Variants in XRCC4 observed in about 807,000 individuals in gnomAD.
XRCC4 encodes X-ray repair cross complementing 4, also known as DNA repair protein XRCC4.
Under a neutral mutation model 39.1 loss-of-function variants are expected in XRCC4, and 28 were observed. The observed-to-expected ratio is 0.72, with a 90% confidence interval of 0.53 to 0.98. The LOEUF (loss-of-function observed/expected upper bound fraction) is 0.98. Ranked by LOEUF, XRCC4 falls within the 50% of genes least tolerant of loss-of-function variation. XRCC4 has a pLI of 0.00. For missense variants in XRCC4, 350 were observed against 376.4 expected (o/e 0.93, Z 0.58); for synonymous variants, 123 against 126.4 (o/e 0.97, Z 0.18).
chr5:83,299,482 C>T (rs1198318656), intron 7 of XRCC4, among the ~76,000 whole-genome samples: 3 of 151,962 alleles, frequency 2.0e-5, no homozygotes, highest in Admixed American at 2.0e-4. Context: ...GTTAAATAGC[C>T]CTTCTGCCTC....
intron 3 of XRCC4, among the ~76,000 whole-genome samples, chr5:83,176,020 C>T (rs1471621063): frequency 2.0e-5 from 3 of 151,584 alleles, no homozygotes; most frequent in Non-Finnish European, 4.4e-5. Flanking sequence ...AGAGTGAGAC[C>T]CTGTCTATAT....
chr5:83,172,999 T>C (rs1274521215), intron 3 of XRCC4, among the ~76,000 whole-genome samples: 2 of 152,190 alleles, frequency 1.3e-5, no homozygotes, highest in Non-Finnish European at 2.9e-5. Flanking sequence ...CTGTTTGTTA[T>C]AGTCTCTGGT....
intron 6 of XRCC4, among the ~76,000 whole-genome samples, chr5:83,213,273 A>G (rs1162344316): frequency 6.6e-6 from 1 of 152,148 alleles, no homozygotes; most frequent in Non-Finnish European, 1.5e-5. Flanking sequence ...ACAACATGAA[A>G]TGATAACATG....
At chr5:83,348,426 A>G (rs1756983652) in intron 7 of XRCC4, among the ~76,000 whole-genome samples, 1 of 152,230 alleles carries the variant, frequency 6.6e-6, no homozygotes, top group Non-Finnish European at 1.5e-5. Context: ...TTAACACCAC[A>G]TGGAAGACAC....
the XRCC4 span, among the ~76,000 whole-genome samples, chr5:83,373,098 A>G: frequency 6.6e-6 from 1 of 151,924 alleles, no homozygotes; most frequent in African/African-American, 2.4e-5. Flanking sequence ...TGGTGAAAAA[A>G]GGGAGGCGGA....
intron 7 of XRCC4, among the ~76,000 whole-genome samples, chr5:83,309,559 A>C (rs528467566): frequency 6.6e-6 from 1 of 151,002 alleles, no homozygotes; most frequent in South Asian, 2.1e-4. Flanking sequence ...CAGGAGATCG[A>C]GACCATCCTG....
intron 3 of XRCC4, among the ~76,000 whole-genome samples, chr5:83,137,285 A>T (rs1408452677): frequency 6.6e-6 from 1 of 152,162 alleles, no homozygotes; most frequent in Non-Finnish European, 1.5e-5. Flanking sequence ...TTCACTGATG[A>T]TAAATATCAC....
intron 1 of XRCC4, among the ~76,000 whole-genome samples, chr5:83,094,201 C>T (rs944178053): frequency 7.2e-5 from 11 of 151,782 alleles, no homozygotes; most frequent in Non-Finnish European, 1.5e-4. Flanking sequence ...ATGCATCTAC[C>T]TACTTTGTTT....
chr5:83,324,381 T>C (rs1343394735), intron 7 of XRCC4, among the ~76,000 whole-genome samples: 1 of 152,166 alleles, frequency 6.6e-6, no homozygotes, highest in Non-Finnish European at 1.5e-5. Context: ...TCCACAACAT[T>C]AACTGGAATT....
chr5:83,113,644 G>A (rs533742121), intron 3 of XRCC4, among the ~76,000 whole-genome samples: 201 of 149,578 alleles, frequency 1.3e-3, no homozygotes, highest in African/African-American at 4.4e-3. Flanking sequence ...TTTTTGAGAC[G>A]GAGTCTCGCT....
chr5:83,271,421 T>C (rs536361740), intron 7 of XRCC4, among the ~76,000 whole-genome samples: 1 of 152,352 alleles, frequency 6.6e-6, no homozygotes, highest in Admixed American at 6.5e-5. Context: ...TGTTTTATTT[T>C]GTCTACTTGT....
At chr5:83,251,382 G>T (rs35257) in intron 6 of XRCC4, among the ~76,000 whole-genome samples, 11,279 of 151,946 alleles carry the variant, frequency 0.074, 567 homozygotes, top group Non-Finnish European at 0.096. Flanking sequence ...AAATTAGCTG[G>T]GTGTGGTGGC....
chr5:83,314,202 A>C (rs369889251), intron 7 of XRCC4, among the ~76,000 whole-genome samples: 1 of 152,164 alleles, frequency 6.6e-6, no homozygotes, highest in Non-Finnish European at 1.5e-5. Flanking sequence ...AAATTGTATC[A>C]GTCAAATAAA....
chr5:83,125,052 A>G (rs28383161), intron 3 of XRCC4, among the ~76,000 whole-genome samples: 3,836 of 152,252 alleles, frequency 0.025, 67 homozygotes, highest in East Asian at 0.072. Context: ...ATGGTATCTT[A>G]TTGTGGCTTT....
At chr5:83,142,313 GTGGTGTTTAGATGAGGAAACTAACTCTCA>G (rs1475310210) in intron 3 of XRCC4, among the ~76,000 whole-genome samples, 1 of 42,810 alleles carries the variant, frequency 2.3e-5, no homozygotes, top group Non-Finnish European at 4.8e-5. Flanking sequence ...CTAACTCTCA[GTGGTGTTTAGATGAGGAAACTAACTCTCA>G]GTGGTGTTTA....
At chr5:83,204,249 C>T (rs1357896476) in intron 5 of XRCC4, among the ~76,000 whole-genome samples, 2 of 152,036 alleles carry the variant, frequency 1.3e-5, no homozygotes, top group African/African-American at 2.4e-5. Flanking sequence ...AACTTTTTTA[C>T]GCATTAGCAA....
Position 83,326,220 on chromosome 5 carries a change from A to G in XRCC4, c.894-26911A>G, listed in dbSNP as rs140217145. 6.2e-4 allele frequency among the ~76,000 whole-genome samples: 95 copies of G among 152,094 alleles called. 3 individuals are homozygous for G. Among genetic ancestry groups the G allele is most frequent in the Admixed American group, 4.5e-3 (69 of 15,256 alleles). On this transcript the variant is annotated intron_variant, in intron 7 of 7. Coordinates refer to ENST00000396027, the MANE Select transcript of XRCC4 (RefSeq NM_003401.5). ...TGTAGGTTTTCTGCTAACTCCAACGATAGTTTCTTTTGCTGTGCAAAAGCT... is the reference window on the plus strand; with the variant it reads ...TGTAGGTTTTCTGCTAACTCCAACGGTAGTTTCTTTTGCTGTGCAAAAGCT...
intron 3 of XRCC4, among the ~76,000 whole-genome samples, chr5:83,159,377 G>C (rs1749101324): frequency 6.6e-6 from 1 of 152,120 alleles, no homozygotes; most frequent in South Asian, 2.1e-4. Flanking sequence ...TTGACCCAGA[G>C]TGCTAGTGCA....
At chr5:83,353,031 G>T in intron 7 of XRCC4, 100 bp from the exon 8 acceptor site, 2 of 937,260 alleles carry the variant, frequency 2.1e-6, no homozygotes, top group South Asian at 1.8e-5. Flanking sequence ...TTTGAAACAG[G>T]ATTTAACTGT....
Sources: allele counts gnomAD v4.1 joint callset (sites outside exome capture counted in the v4.1 genomes callset), GRCh38; gene constraint gnomAD v4.1.1; transcripts MANE v1.5; gene names NCBI Gene and HGNC (gene_info 2026-07-23, HGNC 2026-07-21).